Variants in SULF1 observed in about 807,000 individuals in gnomAD.
SULF1 encodes sulfatase 1.
Under a neutral mutation model 110.5 loss-of-function variants are expected in SULF1, and 46 were observed. That is an observed-to-expected ratio of 0.42 (90% confidence interval 0.33 to 0.53). SULF1 has a LOEUF of 0.53. SULF1 is among the 20% of genes least tolerant of loss of function. The probability of loss-of-function intolerance (pLI) is 0.12; values close to 1 mark genes in which losing one functional copy is unlikely to be tolerated. For synonymous variants in SULF1, 371 were observed against 387.1 expected (o/e 0.96, Z 0.49); for missense variants, 941 against 1,094.2 (o/e 0.86, Z 1.98).
intron 8 of SULF1, among the ~76,000 whole-genome samples, chr8:69,599,475 G>A (rs540312702): frequency 6.6e-6 from 1 of 152,228 alleles, no homozygotes; most frequent in South Asian, 2.1e-4. Context: ...TGTTAATTTG[G>A]AGGAGTTCCT....
At chr8:69,609,967 CG>C (rs1402689859) in intron 13 of SULF1, among the ~76,000 whole-genome samples, 1 of 152,132 alleles carries the variant, frequency 6.6e-6, no homozygotes, top group Non-Finnish European at 1.5e-5. Flanking sequence ...TAGGTATTGA[CG>C]TCTTAAATAG....
intron 13 of SULF1, among the ~76,000 whole-genome samples, chr8:69,620,740 G>A (rs1809532383): frequency 6.6e-6 from 1 of 152,196 alleles, no homozygotes. Context: ...TTTCATTCAA[G>A]ACTGTTTAGT....
At chr8:69,603,508 G>C (rs1586525224) in intron 11 of SULF1, 92 bp from the exon 12 acceptor site, 1 of 1,311,380 alleles carries the variant, frequency 7.6e-7, no homozygotes, top group East Asian at 2.3e-5. Context: ...TCTGTGGGAA[G>C]TGAGAGGTGT....
intron 2 of SULF1, among the ~76,000 whole-genome samples, chr8:69,496,763 A>G (rs977336612): frequency 7.2e-5 from 11 of 152,174 alleles, no homozygotes; most frequent in Admixed American, 2.0e-4. Context: ...CGACATAATG[A>G]TTTACTCCCA....
chr8:69,615,344 G>A (rs1242188695), intron 13 of SULF1, among the ~76,000 whole-genome samples: 2 of 152,128 alleles, frequency 1.3e-5, no homozygotes, highest in African/African-American at 2.4e-5. Flanking sequence ...AGGTTTTATT[G>A]TGCAGTCATA....
chr8:69,641,369 C>T (rs1811454439), intron 22 of SULF1, among the ~76,000 whole-genome samples: 2 of 152,072 alleles, frequency 1.3e-5, no homozygotes, highest in South Asian at 4.1e-4. Flanking sequence ...AAAGCAGCAG[C>T]CGTAAGATTC....
intron 3 of SULF1, among the ~76,000 whole-genome samples, chr8:69,509,960 G>A (rs1354191321): frequency 1.3e-5 from 2 of 152,204 alleles, no homozygotes; most frequent in Non-Finnish European, 2.9e-5. Flanking sequence ...GACATGACTT[G>A]TGCATACATG....
chr8:69,512,605 G>T (rs1811647013), intron 3 of SULF1, among the ~76,000 whole-genome samples: 1 of 152,198 alleles, frequency 6.6e-6, no homozygotes, highest in African/African-American at 2.4e-5. Context: ...GGGACTCAAA[G>T]AGAAGCTGTG....
At chr8:69,646,175 A>G (rs1026726680) in intron 22 of SULF1, among the ~76,000 whole-genome samples, 5 of 152,152 alleles carry the variant, frequency 3.3e-5, no homozygotes, top group African/African-American at 1.2e-4. Flanking sequence ...ATTCAAGAGT[A>G]TTAAACTGGG....
chr8:69,476,826 C>T (rs1809318724), intron 1 of SULF1, among the ~76,000 whole-genome samples: 1 of 152,176 alleles, frequency 6.6e-6, no homozygotes, highest in African/African-American at 2.4e-5. Context: ...ATTGTTGAGA[C>T]ATCCAGTGCA....
intron 3 of SULF1, among the ~76,000 whole-genome samples, chr8:69,506,487 A>G (rs1296979641): frequency 6.6e-6 from 1 of 152,198 alleles, no homozygotes; most frequent in Non-Finnish European, 1.5e-5. Context: ...ACAGTCCTCA[A>G]AGCCAGTGAG....
intron 5 of SULF1, among the ~76,000 whole-genome samples, chr8:69,570,622 C>A (rs1805161953): frequency 6.6e-6 from 1 of 152,180 alleles, no homozygotes; most frequent in African/African-American, 2.4e-5. Flanking sequence ...AAATTCCTCA[C>A]TATGGTTCTG....
At chr8:69,595,980 G>A (rs758699608) in intron 8 of SULF1, among the ~76,000 whole-genome samples, 17 of 152,102 alleles carry the variant, frequency 1.1e-4, no homozygotes, top group African/African-American at 3.6e-4. Context: ...TATTTCTGTC[G>A]TGTCAGTAAG....
At position 69,649,972 on chromosome 8, in the gene SULF1, C is replaced by CTTTTTTTTTTTTTTTT. The variant is rs536073966; in HGVS notation, c.2586-8511_2586-8496dup. 9.8e-5 allele frequency among the ~76,000 whole-genome samples: 3 copies of CTTTTTTTTTTTTTTTT among 30,586 alleles called. 1 individual carries two copies. Among genetic ancestry groups the CTTTTTTTTTTTTTTTT allele is most frequent in the African/African-American group, 3.3e-4 (3 of 9,138 alleles). 20.1% of individuals were successfully genotyped at this position (30,586 alleles called of 152,430 possible). A position where few individuals can be genotyped will look rare whatever the true frequency, so the allele number is the denominator to read the frequency against. The stretch of plus-strand genomic sequence containing the variant: ...CCCACTCTGTAATTCCTCCTGCTTG[C>CTTTTTTTTTTTTTTTT]TTTTTTTTTTTTTTTTTTTTTTTTT... On this transcript the variant is annotated intron_variant, in intron 22 of 22. Transcript: ENST00000402687.
In SULF1 at chr8:69,621,171, G is replaced by A; in HGVS notation, c.1514G>A (p.Ser505Asn). 5 of 1,614,188 alleles carry A rather than the reference G, an allele frequency of 3.1e-6. No individual in the cohort carries two copies. The highest frequency in any genetic ancestry group is 4.2e-6 in the Non-Finnish European group (5 of 1,180,032). Residue 505 changes from serine (S) to asparagine (N), a missense_variant, in exon 14 of 23, where the codon AGT (serine) becomes AAT (asparagine). By Grantham distance (46) the Ser-to-Asn change is conservative. This residue lies in a region of SULF1 where 822 missense variants were observed against 934.3 expected (regional missense o/e 0.88). Transcript: ENST00000402687. The stretch of plus-strand genomic sequence containing the variant: ...TTCCATGACAAAGACAAAGAGTGCA[G>A]TTGTAGGGAGTCTGGTTACCGTGCC... ...RGFHDKDKECSCRESGYRASR... is the reference protein window; with the variant it reads ...RGFHDKDKECNCRESGYRASR...
Position 69,658,634 on chromosome 8 carries a change from G to T in SULF1, c.*99G>T, listed in dbSNP as rs1246856990. 3.0e-6 allele frequency: 3 copies of T among 987,714 alleles called. No homozygotes were observed. The highest frequency in any genetic ancestry group is 4.9e-6 in the Non-Finnish European group (3 of 613,336). 61.2% of individuals were successfully genotyped at this position (987,714 alleles called of 1,614,324 possible). Reference sequence around the variant, plus strand: ...GAGTACAGACAAAACTACAGACTTAGTCTGGTGGACTGGACTAATTACTTG... The same window carrying T: ...GAGTACAGACAAAACTACAGACTTATTCTGGTGGACTGGACTAATTACTTG... On this transcript the variant is annotated 3_prime_UTR_variant, in exon 23 of 23. Coordinates refer to ENST00000402687, the MANE Select transcript of SULF1 (RefSeq NM_001128205.2).
At position 69,624,095 on chromosome 8, in the gene SULF1, G is replaced by T; in HGVS notation, c.1748G>T (p.Gly583Val). ...AAGCGTCATGATGAAGGCCACAAGG[G>T]GCCAAGAGATCTCCAGGCTTCCAGT... ...IAKRHDEGHK[G>V]PRDLQASSGG... The change falls in exon 15 of 23, where the codon GGG (glycine) becomes GTG (valine). Residue 583 changes from glycine (G) to valine (V), a missense_variant. Physicochemically the swap from Gly to Val is moderately radical, Grantham distance 109. Transcript: ENST00000402687. 6.2e-7 allele frequency: 1 copy of T among 1,614,028 alleles called. No homozygotes were observed. The highest frequency in any genetic ancestry group is 2.2e-5 in the East Asian group (1 of 44,880).
At chr8:69,599,901 T>G (rs1252930123) in intron 8 of SULF1, among the ~76,000 whole-genome samples, 2 of 152,098 alleles carry the variant, frequency 1.3e-5, no homozygotes, top group African/African-American at 4.8e-5. Context: ...AAATATAGAC[T>G]TGAACTAACC....
chr8:69,592,261 G>A (rs1366235594), intron 8 of SULF1, among the ~76,000 whole-genome samples: 2 of 152,140 alleles, frequency 1.3e-5, no homozygotes, highest in Non-Finnish European at 2.9e-5. Flanking sequence ...TACAAAGAAA[G>A]CAGCACTAAG....
Sources: gnomAD v4.1 joint callset for allele counts (sites outside exome capture counted in the v4.1 genomes callset) on GRCh38, gnomAD v4.1.1 for gene constraint, gnomAD v4.1.1 regional missense constraint, MANE v1.5 for transcripts, NCBI Gene and HGNC (gene_info 2026-07-23, HGNC 2026-07-21) for gene names.